The following CRYL1 variants were observed in gnomAD, a reference collection of about 807,000 sequenced individuals.
The protein encoded by CRYL1 is lambda-crystallin homolog.
Under a neutral mutation model 36.6 loss-of-function variants are expected in CRYL1, and 29 were observed. The ratio of observed to expected loss-of-function variants is 0.79; its 90% CI spans 0.59 to 1.08. The LOEUF is 1.08. Among genes scored for constraint, CRYL1 ranks in the 50% least tolerant of loss-of-function variants. The pLI, the probability that CRYL1 is intolerant of heterozygous loss-of-function variation, is 0.00. For synonymous variants in CRYL1, 152 were observed against 151.5 expected (o/e 1.00, Z -0.02); for missense variants, 411 against 407.9 (o/e 1.01, Z -0.06).
intron 2 of CRYL1, among the ~76,000 whole-genome samples, chr13:20,507,817 C>G (rs1185978284): frequency 6.6e-6 from 1 of 151,592 alleles, no homozygotes; most frequent in African/African-American, 2.4e-5. Context: ...ACTCCGGAGG[C>G]TGAGGCAGGA....
intron 3 of CRYL1, among the ~76,000 whole-genome samples, chr13:20,472,357 T>A (rs901817967): frequency 6.6e-6 from 1 of 152,172 alleles, no homozygotes; most frequent in Non-Finnish European, 1.5e-5. Flanking sequence ...ACACAATTTT[T>A]GCCAAATATT....
intron 1 of CRYL1, among the ~76,000 whole-genome samples, chr13:20,513,910 A>AT (rs2033956376): frequency 7.1e-6 from 1 of 140,840 alleles, no homozygotes. Context: ...AAAAGAAAGT[A>AT]TTAAAAAAAA....
intron 3 of CRYL1, among the ~76,000 whole-genome samples, chr13:20,473,933 G>A (rs994951069): frequency 6.6e-6 from 1 of 152,110 alleles, no homozygotes; most frequent in East Asian, 1.9e-4. Context: ...CAAGTGAATC[G>A]GGTATAAGTA....
intron 5 of CRYL1, chr13:20,419,123 G>T (rs1488278963): frequency 6.6e-6 from 1 of 152,182 alleles, no homozygotes; most frequent in Admixed American, 6.5e-5. Flanking sequence ...AAATCTCGGT[G>T]ATTTTCTCAT....
At chr13:20,414,909 C>G (rs1179733629) in intron 5 of CRYL1, among the ~76,000 whole-genome samples, 2 of 152,240 alleles carry the variant, frequency 1.3e-5, no homozygotes, top group African/African-American at 4.8e-5. Context: ...TACGCCTTCA[C>G]GGCTCAGACA....
At chr13:20,499,285 G>A (rs185409956) in intron 2 of CRYL1, among the ~76,000 whole-genome samples, 57 of 149,602 alleles carry the variant, frequency 3.8e-4, no homozygotes, top group African/African-American at 1.3e-3. Flanking sequence ...GGCAGAGACT[G>A]TAGTGAGCCA....
At chr13:20,489,240 C>G (rs2033459833) in intron 3 of CRYL1, 130 bp downstream of exon 3, 2 of 1,123,358 alleles carry the variant, frequency 1.8e-6, no homozygotes, top group Non-Finnish European at 2.5e-6. Flanking sequence ...TCACATAAAA[C>G]AAAATCCTGC....
chr13:20,524,178 G>C (rs772745973), intron 1 of CRYL1, among the ~76,000 whole-genome samples: 10 of 152,198 alleles, frequency 6.6e-5, no homozygotes, highest in Non-Finnish European at 2.9e-5. Context: ...CACCATGATA[G>C]TGCCACTGCA....
chr13:20,404,546 C>G (rs1443337572), intron 7 of CRYL1, 89 bp downstream of exon 7: 7 of 808,510 alleles, frequency 8.7e-6, no homozygotes, highest in East Asian at 2.5e-5. Flanking sequence ...GCTGCAGAGG[C>G]AGGCCCACCC....
At chr13:20,494,312 T>G (rs190763476) in intron 2 of CRYL1, among the ~76,000 whole-genome samples, 8 of 152,366 alleles carry the variant, frequency 5.3e-5, no homozygotes, top group Non-Finnish European at 1.0e-4. Flanking sequence ...CTAAGACTAT[T>G]TCCTTTTCAT....
chr13:20,515,507 C>T (rs1040049216), intron 1 of CRYL1, among the ~76,000 whole-genome samples: 46 of 151,976 alleles, frequency 3.0e-4, no homozygotes, highest in African/African-American at 1.1e-3. Context: ...GAGGGGGAAA[C>T]AAATGTCACA....
chr13:20,514,794 A>G (rs1209414625), intron 1 of CRYL1, among the ~76,000 whole-genome samples: 1 of 152,184 alleles, frequency 6.6e-6, no homozygotes, highest in African/African-American at 2.4e-5. Flanking sequence ...TACTATCTCC[A>G]CAATTTTTCT....
At chr13:20,463,648 G>C (rs1037197564) in intron 3 of CRYL1, among the ~76,000 whole-genome samples, 3 of 152,122 alleles carry the variant, frequency 2.0e-5, no homozygotes, top group African/African-American at 7.2e-5. Flanking sequence ...TTTTAAACAA[G>C]GACAGGTAGC....
At chr13:20,430,809 T>G in intron 5 of CRYL1, 1 of 985,146 alleles carries the variant, frequency 1.0e-6, no homozygotes, top group Non-Finnish European at 1.2e-6. Context: ...GGGCAAGGAG[T>G]CTAAAGTTGT....
At chr13:20,480,241 T>G (rs1200914936) in intron 3 of CRYL1, among the ~76,000 whole-genome samples, 4 of 151,898 alleles carry the variant, frequency 2.6e-5, no homozygotes, top group African/African-American at 9.7e-5. Flanking sequence ...ATTATCCGGG[T>G]GTAGCAGTGG....
intron 3 of CRYL1, among the ~76,000 whole-genome samples, chr13:20,447,589 G>A (rs2032484018): frequency 6.6e-6 from 1 of 151,966 alleles, no homozygotes; most frequent in Admixed American, 6.6e-5. Context: ...GAGACAGAAT[G>A]AGAACATGGA....
chr13:20,449,392 A>T (rs1053146300), intron 3 of CRYL1, among the ~76,000 whole-genome samples: 17 of 152,212 alleles, frequency 1.1e-4, no homozygotes, highest in Non-Finnish European at 1.6e-4. Flanking sequence ...CTAAAGTTTT[A>T]AAAAAGATGT....
At chr13:20,491,096 G>A (rs552514344) in intron 2 of CRYL1, among the ~76,000 whole-genome samples, 17 of 152,084 alleles carry the variant, frequency 1.1e-4, no homozygotes, top group Admixed American at 7.2e-4. Context: ...TGGTAGAGAC[G>A]GGGTTTCGCC....
chr13:20,502,534 A>T (rs1448224439), intron 2 of CRYL1: 1 of 152,586 alleles, frequency 6.6e-6, no homozygotes, highest in Admixed American at 6.5e-5. Context: ...GGGCGCCTGT[A>T]GTCCCAGCTA....
Sources: gnomAD v4.1 joint callset for allele counts (sites outside exome capture counted in the v4.1 genomes callset) on GRCh38, gnomAD v4.1.1 for gene constraint, MANE v1.5 for transcripts, NCBI Gene and HGNC (gene_info 2026-07-23, HGNC 2026-07-21) for gene names.